GPR20: variants seen among roughly 807,000 people sequenced by gnomAD.
GPR20 encodes the protein G protein-coupled receptor 20.
For missense variants in GPR20, 494 were observed against 527.4 expected, an observed-to-expected ratio of 0.94 and a Z score of 0.62; for synonymous variants, 241 against 241.9, an observed-to-expected ratio of 1.00 and a Z score of 0.04.
At chr8:141,360,231 A>C (rs1054461871) in intron 1 of GPR20, among the ~76,000 whole-genome samples, 2 of 152,210 alleles carry the variant, frequency 1.3e-5, no homozygotes, top group Admixed American at 6.5e-5. Flanking sequence ...CCCCGCACTA[A>C]GGGTCTGACC....
chr8:141,360,793 A>C (rs1380584818), intron 1 of GPR20, among the ~76,000 whole-genome samples: 1 of 152,108 alleles, frequency 6.6e-6, no homozygotes, highest in Non-Finnish European at 1.5e-5. Flanking sequence ...CCCGGGTTTG[A>C]GTCCAGCCCT....
Position 141,357,213 on chromosome 8 carries a change from C to T in GPR20, c.711G>A (p.Val237=). The T allele has an allele frequency of 1.9e-6, 3 of 1,569,530 alleles. No homozygotes were observed. The highest frequency in any genetic ancestry group is 2.6e-6 in the Non-Finnish European group (3 of 1,160,790). ...GLLHQGRQRR[V]RAMQLLLTVL... ...CCGTGAGCAGGAGCTGCATGGCCCG[C>T]ACGCGGCGCTGGCGACCCTGGTGGA... The change falls in exon 2 of 2, where the codon GTG becomes GTA. Residue 237 remains valine (V), a synonymous_variant. Coordinates refer to ENST00000377741, the MANE Select transcript of GPR20 (RefSeq NM_005293.3).
chr8:141,357,375 CAG>C lies in GPR20; in HGVS notation c.547_548del (p.Leu183ValfsTer136), dbSNP rs759915105. 1 of 1,570,680 alleles carries C rather than the reference CAG, an allele frequency of 6.4e-7. No individual in the cohort carries two copies. The highest frequency in any genetic ancestry group is 8.6e-7 in the Non-Finnish European group (1 of 1,161,940). ...FVWLAAGAVT[L>X]SVLGVTGSRP... ...GGCTGCCTGTCACGCCCAGCACCGA[CAG>C]GGTGACGGCACCGGCGGCCAGCCAC... On this transcript the variant is annotated frameshift_variant, in exon 2 of 2. Transcript: ENST00000377741. LOFTEE classifies it low-confidence loss of function (END_TRUNC).
intron 1 of GPR20, among the ~76,000 whole-genome samples, chr8:141,365,538 C>A (rs1050026767): frequency 3.0e-4 from 45 of 152,310 alleles, no homozygotes; most frequent in African/African-American, 9.4e-4. Context: ...CCCAGCACTG[C>A]GGGCACAAAT....
Position 141,365,078 on chromosome 8 carries a change from G to A in GPR20, c.-25+2123C>T, listed in dbSNP as rs576222670. On this transcript the variant is annotated intron_variant, in intron 1 of 1. Coordinates refer to ENST00000377741, the MANE Select transcript of GPR20 (RefSeq NM_005293.3). ...TCTGCATGTGCTGTTCCTTCTGCCC[G>A]GAATGCTGTTTCTCTCCCTGTGCCA... is the stretch of plus-strand genomic sequence containing the variant. Among the ~76,000 whole-genome samples the A allele has an allele frequency of 6.6e-5, 10 of 152,292 alleles. No individual in the cohort carries two copies. In the South Asian group the frequency reaches 1.9e-3, roughly 28 times the overall value.
chr8:141,362,391 C>A (rs181436599), intron 1 of GPR20, among the ~76,000 whole-genome samples: 7 of 152,172 alleles, frequency 4.6e-5, no homozygotes, highest in Non-Finnish European at 1.0e-4. Flanking sequence ...CATCTTGAGG[C>A]GGGGCTGTGG....
Position 141,357,362 on chromosome 8 carries a change from C to T in GPR20, c.562G>A (p.Val188Met), listed in dbSNP as rs372276873. ...CGGCAGCAGGGCCGGCTGCCTGTCA[C>T]GCCCAGCACCGACAGGGTGACGGCA... ...AGAVTLSVLG[V>M]TGSRPCCRVF... The change falls in exon 2 of 2, where the codon GTG becomes ATG. Residue 188 changes from valine to methionine, a missense_variant. By Grantham distance (21) the Val-to-Met change is conservative. Transcript: ENST00000377741. 174 of 1,558,786 alleles carry T rather than the reference C, an allele frequency of 1.1e-4. 2 individuals are homozygous for T. The Admixed American group carries it at 2.7e-3, about 24-fold the overall frequency.
intron 1 of GPR20, among the ~76,000 whole-genome samples, chr8:141,365,907 G>C (rs1029774904): frequency 6.6e-6 from 1 of 152,176 alleles, no homozygotes; most frequent in Non-Finnish European, 1.5e-5. Flanking sequence ...CTATGTCCCT[G>C]CTTTCCTGTT....
At position 141,357,083 on chromosome 8, in the gene GPR20, C is replaced by G. The variant is rs202236530; in HGVS notation, c.841G>C (p.Val281Leu). ...PHHTSLVVYH[V>L]AVTLSSLNSC... Reference sequence around the variant, plus strand: ...TTGAGGCTGCTGAGGGTCACGGCCACGTGGTAGACCACGAGGCTCGTGTGG... The same window carrying G: ...TTGAGGCTGCTGAGGGTCACGGCCAGGTGGTAGACCACGAGGCTCGTGTGG... Residue 281 changes from valine (V) to leucine (L), a missense_variant, in exon 2 of 2, where the codon GTG (valine) becomes CTG (leucine). Coordinates refer to ENST00000377741, the MANE Select transcript of GPR20 (RefSeq NM_005293.3). 2 of 1,612,622 alleles carry G rather than the reference C, an allele frequency of 1.2e-6. No individual in the cohort carries two copies. Among genetic ancestry groups the G allele is most frequent in the Non-Finnish European group, 1.7e-6 (2 of 1,179,852 alleles).
chr8:141,365,457 T>C (rs1831801097), intron 1 of GPR20, among the ~76,000 whole-genome samples: 1 of 152,142 alleles, frequency 6.6e-6, no homozygotes, highest in African/African-American at 2.4e-5. Flanking sequence ...CAGCCCTGTG[T>C]GTGGAGGGAA....
At chr8:141,362,052 C>T (rs1362002843) in intron 1 of GPR20, among the ~76,000 whole-genome samples, 1 of 152,008 alleles carries the variant, frequency 6.6e-6, no homozygotes. Context: ...TGGGAGGGGC[C>T]TGAGGCCTGG....
At chr8:141,360,665 G>A (rs1330895074) in intron 1 of GPR20, among the ~76,000 whole-genome samples, 2 of 152,240 alleles carry the variant, frequency 1.3e-5, no homozygotes, top group Non-Finnish European at 2.9e-5. Flanking sequence ...TCCCTGGCGA[G>A]TGCCTGGGGA....
intron 1 of GPR20, among the ~76,000 whole-genome samples, chr8:141,365,062 G>GC (rs1198110893): frequency 6.6e-6 from 1 of 152,194 alleles, no homozygotes; most frequent in African/African-American, 2.4e-5. Flanking sequence ...CTCTGCATGT[G>GC]CTGTTCCTTC....
chr8:141,361,565 G>A (rs1353830251), intron 1 of GPR20, among the ~76,000 whole-genome samples: 4 of 152,188 alleles, frequency 2.6e-5, no homozygotes, highest in African/African-American at 9.7e-5. Context: ...GGACCCAGAG[G>A]GCGAGGGGGC....
At chr8:141,361,856 C>A (rs1831739346) in intron 1 of GPR20, among the ~76,000 whole-genome samples, 1 of 152,148 alleles carries the variant, frequency 6.6e-6, no homozygotes, top group Admixed American at 6.5e-5. Flanking sequence ...GGTGGGCAGA[C>A]CCCCAGAGCC....
At position 141,367,271 on chromosome 8, in the gene GPR20, C is replaced by G. The variant is rs1831828298; in HGVS notation, c.-95G>C. 6.6e-6 allele frequency: 1 copy of G among 151,764 alleles called. No homozygotes were observed. Among genetic ancestry groups the G allele is most frequent in the Non-Finnish European group, 1.5e-5 (1 of 67,942 alleles). 9.4% of individuals were successfully genotyped at this position (151,764 alleles called of 1,614,324 possible). A position where few individuals can be genotyped will look rare whatever the true frequency, so the allele number is the denominator to read the frequency against. On this transcript the variant is annotated 5_prime_UTR_variant, in exon 1 of 2. Transcript: ENST00000377741. ...GCTCTGCATGCAGCCCGGACCTCGC[C>G]TTCCTACGGCCTGACGTCAGGCCAG...
At chr8:141,358,095 C>G (rs913339011) in intron 1 of GPR20, 148 bp from the exon 2 acceptor site, 1 of 588,302 alleles carries the variant, frequency 1.7e-6, no homozygotes. Context: ...CAAATGCCTG[C>G]TCCCTTGGCT....
At chr8:141,366,490 C>G (rs1181842289) in intron 1 of GPR20, among the ~76,000 whole-genome samples, 1 of 152,258 alleles carries the variant, frequency 6.6e-6, no homozygotes, top group African/African-American at 2.4e-5. Context: ...CGCCTTCTCA[C>G]AGCGCAGTCC....
At chr8:141,361,058 T>C (rs1831728139) in intron 1 of GPR20, among the ~76,000 whole-genome samples, 1 of 152,184 alleles carries the variant, frequency 6.6e-6, no homozygotes, top group Non-Finnish European at 1.5e-5. Context: ...GCACCCTGGG[T>C]CTGTCTGAGA....
Sources: allele counts gnomAD v4.1 joint callset (sites outside exome capture counted in the v4.1 genomes callset), GRCh38; gene constraint gnomAD v4.1.1; transcripts MANE v1.5; gene names NCBI Gene and HGNC (gene_info 2026-07-23, HGNC 2026-07-21).